NALCN: variants seen among roughly 807,000 people sequenced by gnomAD.
NALCN encodes sodium leak channel NALCN.
In NALCN, 111 loss-of-function variants were observed where a neutral mutation model predicts 225.3. That is an observed-to-expected ratio of 0.49 (90% CI 0.42 to 0.58). The LOEUF is 0.58. Ranked by LOEUF, NALCN falls within the 20% of genes least tolerant of loss-of-function variation. The pLI is 0.00. For synonymous variants in NALCN, 764 were observed against 769.0 expected, an observed-to-expected ratio of 0.99 and a Z score of 0.11; for missense variants, 1,378 against 2,202.4, an observed-to-expected ratio of 0.63 and a Z score of 7.49.
intron 17 of NALCN, 148 bp downstream of exon 17, chr13:101,142,932 G>T: frequency 8.6e-7 from 1 of 1,168,188 alleles, no homozygotes; most frequent in Non-Finnish European, 1.2e-6. Flanking sequence ...AAAATGTTAG[G>T]TTTCATGATA....
intron 40 of NALCN, among the ~76,000 whole-genome samples, chr13:101,062,992 T>C (rs981342823): frequency 6.6e-6 from 1 of 152,192 alleles, no homozygotes; most frequent in East Asian, 1.9e-4. Context: ...CCCATGCAGT[T>C]GTAGGTAAAG....
intron 40 of NALCN, 137 bp from the exon 41 acceptor site, chr13:101,062,255 G>T: frequency 1.1e-6 from 1 of 934,928 alleles, no homozygotes; most frequent in Non-Finnish European, 1.6e-6. Context: ...CCACCCGCAT[G>T]TCTTGGGCTG....
At chr13:101,070,210 G>T (rs2139450376) in intron 37 of NALCN, among the ~76,000 whole-genome samples, 1 of 152,104 alleles carries the variant, frequency 6.6e-6, no homozygotes, top group Non-Finnish European at 1.5e-5. Flanking sequence ...GAGTCTACAG[G>T]CGCCCACCAC....
chr13:101,292,360 C>T lies in NALCN; in HGVS notation c.806G>A (p.Ser269Asn), dbSNP rs764165459. 1.2e-6 allele frequency: 2 copies of T among 1,613,838 alleles called. No homozygotes were observed. Among genetic ancestry groups the T allele is most frequent in the Non-Finnish European group, 8.5e-7 (1 of 1,179,922 alleles). The change falls in exon 8 of 44, where the codon AGT becomes AAT. Residue 269 changes from serine (S) to asparagine (N), a missense_variant. Physicochemically the swap from Ser to Asn is conservative, Grantham distance 46 (BLOSUM62 1). Coordinates refer to ENST00000251127, the MANE Select transcript of NALCN (RefSeq NM_052867.4). This position sits in a 1 kb window ranked among gnomAD's most constrained non-coding sequence, Gnocchi z 4.3. The stretch of plus-strand genomic sequence containing the variant: ...GGCGGCCTCATAGACGGTGAATATA[C>T]TAGTTCCTGTCATGACAGAGGAGGA... ...GYSGFNEIGT[S>N]IFTVYEAASQ...
At chr13:101,220,391 C>G (rs1299636519) in intron 13 of NALCN, among the ~76,000 whole-genome samples, 1 of 152,178 alleles carries the variant, frequency 6.6e-6, no homozygotes, top group South Asian at 2.1e-4. Context: ...ATCATCTCTC[C>G]TGAATGATTT....
intron 7 of NALCN, among the ~76,000 whole-genome samples, chr13:101,312,229 C>T (rs953509277): frequency 4.6e-5 from 7 of 152,010 alleles, no homozygotes; most frequent in East Asian, 1.9e-4. Flanking sequence ...TTTTTTATTG[C>T]GTCTATTTGA....
chr13:101,141,017 G>T (rs1304343827), intron 17 of NALCN, among the ~76,000 whole-genome samples: 1 of 152,138 alleles, frequency 6.6e-6, no homozygotes, highest in Non-Finnish European at 1.5e-5. Flanking sequence ...ATAGTTAAGG[G>T]TCATATGTCC....
chr13:101,200,036 C>G (rs1432172136), intron 13 of NALCN, among the ~76,000 whole-genome samples: 5 of 152,096 alleles, frequency 3.3e-5, no homozygotes, highest in African/African-American at 1.2e-4. Flanking sequence ...ATACTCACTA[C>G]CTGCTTGATC....
At chr13:101,289,409 G>C (rs551143333) in intron 9 of NALCN, among the ~76,000 whole-genome samples, 3 of 152,122 alleles carry the variant, frequency 2.0e-5, no homozygotes, top group African/African-American at 7.2e-5. Context: ...TTATTTTAAA[G>C]AAACAGTTCT....
At chr13:101,359,028 G>A (rs745881673) in intron 6 of NALCN, among the ~76,000 whole-genome samples, 3 of 151,990 alleles carry the variant, frequency 2.0e-5, no homozygotes, top group South Asian at 2.1e-4. Flanking sequence ...GGTCTGTCGC[G>A]GGGTGAGGGG....
intron 11 of NALCN, among the ~76,000 whole-genome samples, chr13:101,238,307 TAAC>T (rs2041638027): frequency 1.3e-5 from 2 of 151,924 alleles, no homozygotes; most frequent in South Asian, 2.1e-4. Context: ...TATTATAAAA[TAAC>T]AACTTACATA....
chr13:101,257,336 T>C (rs1461088630), intron 11 of NALCN, among the ~76,000 whole-genome samples: 1 of 150,786 alleles, frequency 6.6e-6, no homozygotes, highest in Non-Finnish European at 1.5e-5. Flanking sequence ...TCAGGAGACA[T>C]ACTTCCATGA....
At chr13:101,066,516 C>T (rs917446759) in intron 39 of NALCN, among the ~76,000 whole-genome samples, 5 of 151,702 alleles carry the variant, frequency 3.3e-5, no homozygotes, top group South Asian at 2.1e-4. Flanking sequence ...AAGTGCTGGG[C>T]GGAACACTGG....
intron 32 of NALCN, 66 bp from the exon 33 acceptor site, chr13:101,082,949 T>G (rs2033738370): frequency 6.3e-7 from 1 of 1,594,384 alleles, no homozygotes; most frequent in African/African-American, 1.3e-5. Flanking sequence ...TTGCCCCTCT[T>G]CTGCCCACTT....
At chr13:101,374,272 C>CTT (rs869167949) in intron 6 of NALCN, among the ~76,000 whole-genome samples, 1,431 of 119,852 alleles carry the variant, frequency 0.012, 39 homozygotes, top group African/African-American at 0.038. Context: ...AAATTTCTTT[C>CTT]TTTTTTTTTT....
chr13:101,151,480 T>C (rs373465296), intron 15 of NALCN, among the ~76,000 whole-genome samples: 5 of 152,344 alleles, frequency 3.3e-5, no homozygotes, highest in African/African-American at 1.2e-4. Flanking sequence ...CCGTGTTAGT[T>C]TGAAAACTGT....
intron 6 of NALCN, among the ~76,000 whole-genome samples, chr13:101,351,085 G>C (rs549175788): frequency 2.0e-5 from 3 of 152,094 alleles, no homozygotes; most frequent in African/African-American, 7.2e-5. Flanking sequence ...CTAATATATA[G>C]TAGATGTTTA....
At chr13:101,329,399 T>G (rs1020731853) in intron 7 of NALCN, among the ~76,000 whole-genome samples, 18 of 152,218 alleles carry the variant, frequency 1.2e-4, no homozygotes, top group Non-Finnish European at 2.5e-4. Flanking sequence ...ACTGGAATTG[T>G]TCTCAGTACT....
chr13:101,381,075 T>G (rs1285819881), intron 3 of NALCN, among the ~76,000 whole-genome samples: 1 of 152,096 alleles, frequency 6.6e-6, no homozygotes, highest in Non-Finnish European at 1.5e-5. Flanking sequence ...GGACAAATAA[T>G]GTTTTCAGGG....
Sources: gnomAD v4.1 joint callset for allele counts (sites outside exome capture counted in the v4.1 genomes callset) on GRCh38, gnomAD v4.1.1 for gene constraint, Gnocchi (gnomAD v3.1) non-coding constraint, MANE v1.5 for transcripts, NCBI Gene and HGNC (gene_info 2026-07-23, HGNC 2026-07-21) for gene names.